Variants in CEP126 observed in about 807,000 individuals in gnomAD.
The protein encoded by CEP126 is centrosomal protein of 126 kDa.
In CEP126, 74 loss-of-function variants were observed where a neutral mutation model predicts 107.8. The observed-to-expected ratio is 0.69, with a 90% CI of 0.57 to 0.83. CEP126 has a LOEUF of 0.83. CEP126 is among the 40% of genes least tolerant of loss of function. The pLI is 0.00. For synonymous variants in CEP126, 449 were observed against 446.0 expected, an observed-to-expected ratio of 1.01 and a Z score of -0.08; for missense variants, 1,237 against 1,281.9, an observed-to-expected ratio of 0.96 and a Z score of 0.53.
chr11:101,928,997 T>G (rs1940452098), intron 2 of CEP126, among the ~76,000 whole-genome samples: 1 of 152,246 alleles, frequency 6.6e-6, no homozygotes, highest in African/African-American at 2.4e-5. Flanking sequence ...CTTCACTATG[T>G]TGGATCTCCT....
At chr11:101,937,546 G>T (rs980684717) in intron 2 of CEP126, among the ~76,000 whole-genome samples, 1 of 152,142 alleles carries the variant, frequency 6.6e-6, no homozygotes, top group South Asian at 2.1e-4. Context: ...TTTTGTGAAG[G>T]ATTTTTGTGT....
intron 4 of CEP126, among the ~76,000 whole-genome samples, chr11:101,954,024 G>GTTTGTTTT (rs1940850734): frequency 7.1e-6 from 1 of 141,148 alleles, no homozygotes; most frequent in African/African-American, 2.7e-5. Context: ...TTCCTTTTTT[G>GTTTGTTTT]TTTGTTTGTT....
intron 7 of CEP126, among the ~76,000 whole-genome samples, chr11:101,980,000 G>C (rs1371678908): frequency 6.6e-6 from 1 of 151,974 alleles, no homozygotes; most frequent in Non-Finnish European, 1.5e-5. Context: ...CCAAGTTACT[G>C]GTTGAAGGTG....
intron 4 of CEP126, among the ~76,000 whole-genome samples, chr11:101,951,405 G>A (rs1000937970): frequency 7.2e-5 from 11 of 152,048 alleles, no homozygotes; most frequent in South Asian, 2.1e-4. Context: ...CTAGCTACTC[G>A]AGGAGATGAG....
chr11:101,930,149 C>T (rs1189266743), intron 2 of CEP126, among the ~76,000 whole-genome samples: 1 of 150,972 alleles, frequency 6.6e-6, no homozygotes, highest in Non-Finnish European at 1.5e-5. Flanking sequence ...TTCTCAGACT[C>T]TTCTTATGGG....
chr11:101,966,980 A>G (rs910801115), intron 6 of CEP126, among the ~76,000 whole-genome samples: 17 of 149,492 alleles, frequency 1.1e-4, no homozygotes, highest in African/African-American at 3.5e-4. Flanking sequence ...TCTTTAGTCC[A>G]GTATTTTCTC....
At chr11:101,992,644 G>T (rs538643240) in intron 9 of CEP126, 134 bp from the exon 10 acceptor site, 63 of 518,788 alleles carry the variant, frequency 1.2e-4, no homozygotes, top group Non-Finnish European at 2.1e-4. Context: ...ATTTCTGGGG[G>T]TGACTGGAAA....
intron 2 of CEP126, among the ~76,000 whole-genome samples, chr11:101,940,457 C>G (rs1940647962): frequency 6.6e-6 from 1 of 152,204 alleles, no homozygotes; most frequent in Non-Finnish European, 1.5e-5. Context: ...TACTGACTTA[C>G]AGTTATTATT....
chr11:101,963,143 G>A lies in CEP126; in HGVS notation c.2108G>A (p.Gly703Glu). ...SISENVTTLG[G>E]SGADHMPLNC... ...TCTGAAAATGTTACGACTTTAGGAG[G>A]ATCTGGAGCAGACCATATGCCTTTG... Residue 703 changes from glycine (G) to glutamate (E), a missense_variant, in exon 6 of 11, where the codon GGA becomes GAA. Physicochemically the swap from Gly to Glu is moderately conservative, Grantham distance 98. Transcript: ENST00000263468. 1 of 1,614,024 alleles carries A rather than the reference G, an allele frequency of 6.2e-7. No homozygotes were observed. The highest frequency in any genetic ancestry group is 8.5e-7 in the Non-Finnish European group (1 of 1,179,978).
In CEP126 at chr11:101,981,882, T is replaced by G. The variant is rs1941259363; in HGVS notation, c.2959-7T>G. 1 of 1,529,934 alleles carries G rather than the reference T, an allele frequency of 6.5e-7. No individual in the cohort carries two copies. Among genetic ancestry groups the G allele is most frequent in the Non-Finnish European group, 9.0e-7 (1 of 1,115,370 alleles). The allele number at this position is 1,529,934 out of a possible 1,614,324, so 94.8% of individuals were successfully genotyped here. A position where few individuals can be genotyped will look rare whatever the true frequency, so the allele number is the denominator to read the frequency against. On this transcript the variant is annotated splice_region_variant and splice_polypyrimidine_tract_variant and intron_variant, in intron 7 of 10. Coordinates refer to ENST00000263468, the MANE Select transcript of CEP126 (RefSeq NM_020802.4). Reference sequence around the variant, plus strand: ...ATATGTTTTAATTCAATATTCTATTTTTGTAGAATTTTGGACAAAGTGTCC... The same window carrying G: ...ATATGTTTTAATTCAATATTCTATTGTTGTAGAATTTTGGACAAAGTGTCC...
chr11:101,969,640 T>G (rs1166132661), intron 6 of CEP126, among the ~76,000 whole-genome samples: 1 of 152,190 alleles, frequency 6.6e-6, no homozygotes, highest in Non-Finnish European at 1.5e-5. Flanking sequence ...GTCTAATATT[T>G]ATATGGAAAT....
intron 9 of CEP126, among the ~76,000 whole-genome samples, chr11:101,992,386 G>A (rs972978426): frequency 6.6e-6 from 1 of 151,796 alleles, no homozygotes; most frequent in African/African-American, 2.4e-5. Flanking sequence ...AATTGAAAAG[G>A]CAACCAAGTG....
At position 101,958,366 on chromosome 11, in the gene CEP126, A is replaced by G; in HGVS notation, c.705A>G (p.Gln235=). 6.2e-7 allele frequency: 1 copy of G among 1,610,258 alleles called. No homozygotes were observed. Among genetic ancestry groups the G allele is most frequent in the Non-Finnish European group, 8.5e-7 (1 of 1,177,950 alleles). ...LLEDQHLSNL[Q]KFCDEVNQIT... is the part of the protein sequence containing the mutation. Reference sequence around the variant, plus strand: ...AAGATCAACATCTAAGCAATTTGCAAGTATGAAACTATAAAAATGTTGTTA... The same window carrying G: ...AAGATCAACATCTAAGCAATTTGCAGGTATGAAACTATAAAAATGTTGTTA... The change falls in exon 5 of 11, where the codon CAA becomes CAG. Residue 235 remains glutamine (Q), a splice_region_variant and synonymous_variant. Transcript: ENST00000263468.
chr11:101,992,659 T>G (rs1591297556), intron 9 of CEP126, 119 bp from the exon 10 acceptor site: 1 of 581,260 alleles, frequency 1.7e-6, no homozygotes, highest in Non-Finnish European at 2.9e-6. Context: ...TGGAAAAAAG[T>G]GTCTTACTCA....
chr11:101,964,431 C>A (rs1441183189), intron 6 of CEP126, among the ~76,000 whole-genome samples: 1 of 151,658 alleles, frequency 6.6e-6, no homozygotes, highest in Non-Finnish European at 1.5e-5. Context: ...GTTGGAAGTT[C>A]GAGACCAGCC....
intron 7 of CEP126, 109 bp from the exon 8 acceptor site, chr11:101,981,780 A>G: frequency 1.6e-6 from 1 of 612,974 alleles, no homozygotes; most frequent in Non-Finnish European, 2.9e-6. Flanking sequence ...TACATGAACA[A>G]TTGTAGCTAA....
Position 101,987,002 on chromosome 11 carries a change from A to T in CEP126, c.3205A>T (p.Ile1069Phe), listed in dbSNP as rs777591455. The T allele has an allele frequency of 1.2e-5, 20 of 1,613,232 alleles. No homozygotes were observed. Among genetic ancestry groups the T allele is most frequent in the Non-Finnish European group, 1.7e-5 (20 of 1,179,506 alleles). Residue 1069 changes from isoleucine (I) to phenylalanine (F), a missense_variant, in exon 9 of 11, where the codon ATC (isoleucine) becomes TTC (phenylalanine). Ile to Phe is a conservative substitution (Grantham distance 21). This residue lies in a region of CEP126 where 99 missense variants were observed against 114.4 expected (regional missense o/e 0.87). Transcript: ENST00000263468. ...ICTLSAEEQKILESLNDLSER... is the reference protein window; with the variant it reads ...ICTLSAEEQKFLESLNDLSER... ...CACACTGTCAGCTGAAGAACAGAAG[A>T]TCCTAGAGTCCCTTAATGATCTCAG... is the stretch of plus-strand genomic sequence containing the variant.
rs902733995 is a variant in CEP126, at chr11:101,960,055, C to T, written c.706-1686C>T. Among the ~76,000 whole-genome samples the T allele has an allele frequency of 3.3e-5, 5 of 152,000 alleles. No homozygotes were observed. In the South Asian group the frequency reaches 6.2e-4, roughly 19 times the overall value. ...CAGACTCAAGAAGCCCAACAAACTC[C>T]AAGAAGGATAAGTGTATGCACACAC... On this transcript the variant is annotated intron_variant, in intron 5 of 10. Transcript: ENST00000263468.
At position 101,962,914 on chromosome 11, in the gene CEP126, A is replaced by G. The variant is rs1941000233; in HGVS notation, c.1879A>G (p.Ile627Val). ...KEKGAEIPKT[I>V]KKLRWFDETS... ...AAAAGGTGCAGAAATTCCAAAGACC[A>G]TTAAAAAACTGAGGTGGTTTGATGA... Residue 627 changes from isoleucine (I) to valine (V), a missense_variant, in exon 6 of 11, where the codon ATT becomes GTT. Coordinates refer to ENST00000263468, the MANE Select transcript of CEP126 (RefSeq NM_020802.4). The G allele has an allele frequency of 9.9e-6, 16 of 1,609,916 alleles. No individual in the cohort carries two copies. Among genetic ancestry groups the G allele is most frequent in the Non-Finnish European group, 1.4e-5 (16 of 1,178,918 alleles).
Sources: gnomAD v4.1 joint callset for allele counts (sites outside exome capture counted in the v4.1 genomes callset) on GRCh38, gnomAD v4.1.1 for gene constraint, gnomAD v4.1.1 regional missense constraint, MANE v1.5 for transcripts, NCBI Gene and HGNC (gene_info 2026-07-23, HGNC 2026-07-21) for gene names.